Variants in RAB3GAP2 observed in about 807,000 individuals in gnomAD.
RAB3GAP2 encodes the protein rab3 GTPase-activating protein non-catalytic subunit.
RAB3GAP2 carries 87 observed loss-of-function variants against 185.3 expected under a neutral mutation model. The observed-to-expected ratio is 0.47, with a 90% CI of 0.39 to 0.56. The LOEUF is 0.56. Among genes scored for constraint, RAB3GAP2 ranks in the 20% least tolerant of loss-of-function variants. The pLI is 0.00. For synonymous variants in RAB3GAP2, 554 were observed against 576.1 expected (o/e 0.96, Z 0.55); for missense variants, 1,492 against 1,638.2 (o/e 0.91, Z 1.54).
At chr1:220,237,670 T>G (rs1659618719) in intron 1 of RAB3GAP2, among the ~76,000 whole-genome samples, 1 of 152,172 alleles carries the variant, frequency 6.6e-6, no homozygotes, top group South Asian at 2.1e-4. Flanking sequence ...TTGAGGCAGA[T>G]GGTGCATGCA....
chr1:220,253,865 C>T (rs1430966885), intron 1 of RAB3GAP2: 15 of 1,613,052 alleles, frequency 9.3e-6, no homozygotes, highest in Non-Finnish European at 1.1e-5. Flanking sequence ...AAGAAGACAT[C>T]TGGTCTGCAA....
intron 1 of RAB3GAP2, among the ~76,000 whole-genome samples, chr1:220,237,576 G>T (rs1406578860): frequency 2.0e-5 from 3 of 152,156 alleles, no homozygotes; most frequent in African/African-American, 7.2e-5. Context: ...TTTTAGAGAT[G>T]GCTCTACTCT....
At position 220,195,061 on chromosome 1, in the gene RAB3GAP2, A is replaced by G; in HGVS notation, c.1130+17T>C. 6.2e-7 allele frequency: 1 copy of G among 1,611,708 alleles called. No individual in the cohort carries two copies. Among genetic ancestry groups the G allele is most frequent in the Non-Finnish European group, 8.5e-7 (1 of 1,177,782 alleles). On this transcript the variant is annotated intron_variant, in intron 12 of 34. Transcript: ENST00000358951. ...CTTTCTAAAAGGACTAAAATTTGGGAAGCATGACAGACTTGCCTTACAGCT... is the reference window on the plus strand; with the variant it reads ...CTTTCTAAAAGGACTAAAATTTGGGGAGCATGACAGACTTGCCTTACAGCT...
intron 2 of RAB3GAP2, among the ~76,000 whole-genome samples, chr1:220,221,279 G>T (rs1240604973): frequency 6.6e-6 from 1 of 152,154 alleles, no homozygotes; most frequent in Non-Finnish European, 1.5e-5. Flanking sequence ...GAAGTGAGGT[G>T]GGTGTGGTGT....
rs1224904736 is a variant in RAB3GAP2, at chr1:220,170,961, T to C, written c.2737A>G (p.Lys913Glu). 6.2e-7 allele frequency: 1 copy of C among 1,614,212 alleles called. No homozygotes were observed. Among genetic ancestry groups the C allele is most frequent in the Admixed American group, 1.7e-5 (1 of 60,032 alleles). Residue 913 changes from lysine (K) to glutamate (E), a missense_variant, in exon 24 of 35, where the codon AAA becomes GAA. Around this residue, in one of 5 missense-constraint regions of RAB3GAP2, gnomAD observed 681 missense variants for 689.1 expected, o/e 0.99. Transcript: ENST00000358951. ...GGCTCAGCCTGCAGTGATGACACTT[T>C]GGAGGTCTGAGTGTTCCCTTTGCTG... is the stretch of plus-strand genomic sequence containing the variant. ...LHSKGNTQTSKVSSLQAEPLP... is the reference protein window; with the variant it reads ...LHSKGNTQTSEVSSLQAEPLP...
chr1:220,206,030 AGTTCTTG>A, intron 7 of RAB3GAP2, 24 bp from the exon 8 acceptor site: 5 of 1,402,570 alleles, frequency 3.6e-6, no homozygotes, highest in Non-Finnish European at 5.0e-6. Flanking sequence ...AAAAAAAAAA[AGTTCTTG>A]AATAGATAAA....
chr1:220,235,329 C>T (rs1659571781), intron 1 of RAB3GAP2, among the ~76,000 whole-genome samples: 1 of 152,058 alleles, frequency 6.6e-6, no homozygotes, highest in African/African-American at 2.4e-5. Context: ...AAACAATTGT[C>T]TTATTGTGAG....
chr1:220,262,133 CAA>C (rs554304525), intron 1 of RAB3GAP2, among the ~76,000 whole-genome samples: 49,534 of 112,116 alleles, frequency 0.44, 10,936 homozygotes, highest in African/African-American at 0.66. Context: ...ACTAAAAATA[CAA>C]AAAAAAAAAA....
chr1:220,212,432 TA>T (rs1412360212), intron 4 of RAB3GAP2, among the ~76,000 whole-genome samples: 2 of 152,188 alleles, frequency 1.3e-5, no homozygotes, highest in Non-Finnish European at 2.9e-5. Flanking sequence ...CTACAACCTA[TA>T]AAGTTAGGAT....
intron 9 of RAB3GAP2, chr1:220,200,663 T>A (rs377325563): frequency 5.8e-6 from 3 of 516,724 alleles, no homozygotes; most frequent in Non-Finnish European, 1.2e-5. Context: ...TGAACTGAAC[T>A]TAACACTTTG....
intron 1 of RAB3GAP2, among the ~76,000 whole-genome samples, chr1:220,259,761 G>T (rs1307599304): frequency 1.3e-5 from 2 of 152,128 alleles, no homozygotes; most frequent in Non-Finnish European, 2.9e-5. Context: ...TTAAACAAAA[G>T]AGCTTCTGCA....
chr1:220,174,677 T>C (rs1198678767), intron 21 of RAB3GAP2, among the ~76,000 whole-genome samples: 2 of 152,204 alleles, frequency 1.3e-5, no homozygotes, highest in South Asian at 2.1e-4. Flanking sequence ...ATATCTTCCA[T>C]GCTCATAAAT....
chr1:220,269,147 G>C (rs1660286970), intron 1 of RAB3GAP2, among the ~76,000 whole-genome samples: 1 of 152,202 alleles, frequency 6.6e-6, no homozygotes, highest in Admixed American at 6.5e-5. Context: ...AGGCTGCCCT[G>C]AGTTGACATT....
At chr1:220,187,115 GT>G (rs1162208725) in intron 17 of RAB3GAP2, among the ~76,000 whole-genome samples, 6 of 151,416 alleles carry the variant, frequency 4.0e-5, no homozygotes, top group Non-Finnish European at 8.8e-5. Flanking sequence ...ATTCTCCCAT[GT>G]ATCACTATTC....
intron 21 of RAB3GAP2, among the ~76,000 whole-genome samples, chr1:220,179,588 TA>T (rs1558146333): frequency 6.6e-6 from 1 of 152,226 alleles, no homozygotes; most frequent in East Asian, 1.9e-4. Flanking sequence ...CATCAGCACA[TA>T]AAACATTCTC....
intron 1 of RAB3GAP2, among the ~76,000 whole-genome samples, chr1:220,265,668 A>C (rs1160225944): frequency 6.6e-6 from 1 of 152,088 alleles, no homozygotes; most frequent in African/African-American, 2.4e-5. Context: ...GCTCATGCCT[A>C]TAATTCTAGC....
chr1:220,233,683 G>C (rs1436258182), intron 1 of RAB3GAP2, among the ~76,000 whole-genome samples: 1 of 151,744 alleles, frequency 6.6e-6, no homozygotes, highest in Non-Finnish European at 1.5e-5. Context: ...AATTTAATTT[G>C]AGGCAATACA....
At chr1:220,268,034 T>G in intron 1 of RAB3GAP2, 3 of 497,328 alleles carry the variant, frequency 6.0e-6, no homozygotes, top group Non-Finnish European at 7.1e-6. Flanking sequence ...TGTTTTTACA[T>G]ATCCTCTAGA....
At chr1:220,213,061 T>A (rs1659112361) in intron 3 of RAB3GAP2, 93 bp from the exon 4 acceptor site, 1 of 874,808 alleles carries the variant, frequency 1.1e-6, no homozygotes, top group Admixed American at 2.7e-5. Flanking sequence ...TAGAATATGA[T>A]TACAAAATTT....
Sources: gnomAD v4.1 joint callset for allele counts (sites outside exome capture counted in the v4.1 genomes callset) on GRCh38, gnomAD v4.1.1 for gene constraint, gnomAD v4.1.1 regional missense constraint, MANE v1.5 for transcripts, NCBI Gene and HGNC (gene_info 2026-07-23, HGNC 2026-07-21) for gene names.